Variants in RNASEH2B observed in about 807,000 individuals in gnomAD.
RNASEH2B encodes the protein ribonuclease H2 subunit B, also known as Aicardi-Goutieres syndrome 2 protein.
RNASEH2B carries 36 observed loss-of-function variants against 45.0 expected under a neutral mutation model. That is an observed-to-expected ratio of 0.80 (90% CI 0.61 to 1.06). The LOEUF (loss-of-function observed/expected upper bound fraction) is 1.06, where lower values mean the gene tolerates loss of function less well. RNASEH2B is among the 50% of genes least tolerant of loss of function. RNASEH2B has a pLI of 0.00. For missense variants in RNASEH2B, 361 were observed against 360.3 expected (o/e 1.00, Z -0.02); for synonymous variants, 119 against 125.7 (o/e 0.95, Z 0.35).
At chr13:50,925,808 C>T (rs979690638) in intron 1 of RNASEH2B, among the ~76,000 whole-genome samples, 1 of 152,164 alleles carries the variant, frequency 6.6e-6, no homozygotes, top group Admixed American at 6.5e-5. Context: ...CTTTTTAGCC[C>T]TCTCCTTTCC....
intron 4 of RNASEH2B, among the ~76,000 whole-genome samples, chr13:50,932,602 G>A (rs999443873): frequency 2.0e-5 from 3 of 152,138 alleles, no homozygotes; most frequent in Non-Finnish European, 2.9e-5. Flanking sequence ...TGCAGATAGC[G>A]TCTTAGCAGT....
Position 50,909,972 on chromosome 13 carries a change from G to A in RNASEH2B, c.-105G>A. 2 of 1,015,906 alleles carry A rather than the reference G, an allele frequency of 2.0e-6. No homozygotes were observed. The highest frequency in any genetic ancestry group is 2.7e-6 in the Non-Finnish European group (2 of 730,812). 62.9% of individuals were successfully genotyped at this position (1,015,906 alleles called of 1,614,324 possible). On this transcript the variant is annotated 5_prime_UTR_variant, in exon 1 of 11. Coordinates refer to ENST00000336617, the MANE Select transcript of RNASEH2B (RefSeq NM_024570.4). ...TCCCGGGCGCTGCCGGTCCCTCAGC[G>A]CGCCGCGCCACCCGGAACAGACCCT...
At chr13:50,961,031 A>C (rs143909443), downstream of RNASEH2B, among the ~76,000 whole-genome samples, 96 of 152,242 alleles carry the variant, frequency 6.3e-4, no homozygotes, top group African/African-American at 1.7e-3. Flanking sequence ...TTTTTGATTA[A>C]ATTCAAGTCA....
At chr13:50,949,711 A>G (rs1028009844) in intron 9 of RNASEH2B, among the ~76,000 whole-genome samples, 4 of 152,222 alleles carry the variant, frequency 2.6e-5, no homozygotes, top group Admixed American at 6.5e-5. Flanking sequence ...ATAAAGTGCC[A>G]TGAAAACCCA....
intron 1 of RNASEH2B, among the ~76,000 whole-genome samples, chr13:50,921,710 C>A (rs553422622): frequency 1.1e-4 from 16 of 152,230 alleles, no homozygotes; most frequent in African/African-American, 3.9e-4. Context: ...TAAATCCACC[C>A]TCCCATAAAA....
exon 10 of RNASEH2B, chr13:50,969,972 G>A (rs1341079465): frequency 3.2e-6 from 5 of 1,551,572 alleles, no homozygotes; most frequent in Non-Finnish European, 4.4e-6. Flanking sequence ...TGATGGTGGT[G>A]GCTCCACGCA....
At chr13:50,929,454 A>C (rs1566079953) in intron 2 of RNASEH2B, 21 bp from the exon 3 acceptor site, 1 of 1,508,940 alleles carries the variant, frequency 6.6e-7, no homozygotes, top group African/African-American at 1.4e-5. Context: ...TTACAAATAA[A>C]AGACAGATTT....
chr13:50,920,172 G>A (rs575133609), intron 1 of RNASEH2B, among the ~76,000 whole-genome samples: 30 of 152,266 alleles, frequency 2.0e-4, no homozygotes, highest in African/African-American at 6.5e-4. Flanking sequence ...AGCCTCCCAA[G>A]TAGCTGGGAT....
At chr13:50,969,799 A>G in intron 9 of RNASEH2B, 1 of 808,010 alleles carries the variant, frequency 1.2e-6, no homozygotes, top group Non-Finnish European at 2.0e-6. Context: ...TTAGAAGCGA[A>G]AATGCTCAGC....
chr13:50,913,355 G>A (rs186309691), intron 1 of RNASEH2B, among the ~76,000 whole-genome samples: 28 of 152,092 alleles, frequency 1.8e-4, no homozygotes, highest in African/African-American at 6.7e-4. Context: ...ACTAAGTTGG[G>A]ATGTACCCAG....
chr13:50,929,578 A>G lies in RNASEH2B; in HGVS notation c.240A>G (p.Gln80=), dbSNP rs781187392. 37 of 1,581,052 alleles carry G rather than the reference A, an allele frequency of 2.3e-5. No homozygotes were observed. Among genetic ancestry groups the G allele is most frequent in the Non-Finnish European group, 3.1e-5 (36 of 1,150,016 alleles). The change falls in exon 3 of 11, where the codon CAA becomes CAG. Residue 80 remains glutamine, a synonymous_variant. Coordinates refer to ENST00000336617, the MANE Select transcript of RNASEH2B (RefSeq NM_024570.4). ...HHSWFINQSV[Q]SGGLLHFATP... is the part of the protein sequence containing the mutation. ...CTTGGTTTATAAATCAATCAGTTCA[A>G]TCAGGTAGGTGACTAGTGTAAGCAT...
At chr13:50,956,145 C>A (rs1180501086) in intron 10 of RNASEH2B, 1 of 493,094 alleles carries the variant, frequency 2.0e-6, no homozygotes, top group African/African-American at 2.0e-5. Context: ...TAGAAGGCAG[C>A]AGTTTTGTCT....
At chr13:50,940,222 A>G (rs935230079) in intron 5 of RNASEH2B, among the ~76,000 whole-genome samples, 4 of 152,188 alleles carry the variant, frequency 2.6e-5, no homozygotes, top group Non-Finnish European at 4.4e-5. Context: ...TTGCCCTATA[A>G]TGATGGATGA....
intron 9 of RNASEH2B, among the ~76,000 whole-genome samples, chr13:50,967,118 G>T (rs1281773130): frequency 6.6e-6 from 1 of 152,078 alleles, no homozygotes. Flanking sequence ...CCCTCCAGCC[G>T]CTGGTGCTTG....
chr13:50,917,002 G>A (rs1458687481), intron 1 of RNASEH2B, among the ~76,000 whole-genome samples: 1 of 152,156 alleles, frequency 6.6e-6, no homozygotes, highest in African/African-American at 2.4e-5. Flanking sequence ...CTGGTTTCAC[G>A]TGATTCCCAA....
chr13:50,919,714 A>G (rs1314641262), intron 1 of RNASEH2B, among the ~76,000 whole-genome samples: 1 of 152,214 alleles, frequency 6.6e-6, no homozygotes, highest in Non-Finnish European at 1.5e-5. Flanking sequence ...AGTTTAAAAC[A>G]TTGGCTCTGG....
intron 1 of RNASEH2B, among the ~76,000 whole-genome samples, chr13:50,923,290 A>C (rs1654604039): frequency 1.3e-5 from 2 of 152,230 alleles, no homozygotes; most frequent in Admixed American, 1.3e-4. Flanking sequence ...ATACTTCCCA[A>C]ATTTGATTTA....
chr13:50,964,382 G>A (rs544138435), intron 9 of RNASEH2B, among the ~76,000 whole-genome samples: 24 of 152,160 alleles, frequency 1.6e-4, no homozygotes, highest in African/African-American at 5.8e-4. Context: ...GACAAACACT[G>A]TATAGCATTT....
Position 50,922,421 on chromosome 13 carries a change from T to A in RNASEH2B, c.65-4986T>A, listed in dbSNP as rs567069243. ...TATGAGGTCCGGAGAAGGCAATAAATACAAGCTAAGGCAGAAGATTAAAGT... is the reference window on the plus strand; with the variant it reads ...TATGAGGTCCGGAGAAGGCAATAAAAACAAGCTAAGGCAGAAGATTAAAGT... On this transcript the variant is annotated intron_variant, in intron 1 of 10. Coordinates refer to ENST00000336617, the MANE Select transcript of RNASEH2B (RefSeq NM_024570.4). Among the ~76,000 whole-genome samples the A allele has an allele frequency of 1.0e-3, 157 of 152,230 alleles. 1 individual carries two copies. Among genetic ancestry groups the A allele is most frequent in the Non-Finnish European group, 1.7e-3 (118 of 68,002 alleles).
Sources: gnomAD v4.1 joint callset for allele counts (sites outside exome capture counted in the v4.1 genomes callset) on GRCh38, gnomAD v4.1.1 for gene constraint, MANE v1.5 for transcripts, NCBI Gene and HGNC (gene_info 2026-07-23, HGNC 2026-07-21) for gene names.